The following BCAM variants were observed in gnomAD, a reference collection of about 807,000 sequenced individuals.
BCAM encodes the protein basal cell adhesion molecule.
BCAM carries 61 observed loss-of-function variants against 72.4 expected under a neutral mutation model. That is an observed-to-expected ratio of 0.84 (90% CI 0.69 to 1.04). BCAM has a LOEUF of 1.04. BCAM is among the 50% of genes least tolerant of loss of function. The probability of loss-of-function intolerance (pLI) is 0.00; values close to 1 mark genes in which losing one functional copy is unlikely to be tolerated. For synonymous variants in BCAM, 408 were observed against 384.2 expected (o/e 1.06, Z -0.73); for missense variants, 909 against 895.0 (o/e 1.02, Z -0.20).
chr19:44,812,955 A>C lies in BCAM; in HGVS notation c.505-295A>C, dbSNP rs1357398832. On this transcript the variant is annotated intron_variant, in intron 4 of 14. Transcript: ENST00000270233. The surrounding 1 kb of genome is among the most constrained non-coding windows in gnomAD (Gnocchi z 5.3). ...ACAGAGCAATACTCCGTCTCAAAAA[A>C]AAAAAAAAAAAGAAGAAGAAAAGAA... 4.7e-6 allele frequency: 2 copies of C among 421,998 alleles called. No individual in the cohort carries two copies. The highest frequency in any genetic ancestry group is 8.4e-6 in the Non-Finnish European group (2 of 238,300). 26.1% of individuals were successfully genotyped at this position (421,998 alleles called of 1,614,324 possible). A position where few individuals can be genotyped will look rare whatever the true frequency, so the allele number is the denominator to read the frequency against.
chr19:44,817,031 T>A (rs989324209), intron 8 of BCAM, among the ~76,000 whole-genome samples: 2 of 150,244 alleles, frequency 1.3e-5, no homozygotes, highest in Non-Finnish European at 3.0e-5. Flanking sequence ...AGGTCAGGAG[T>A]TTGAGACCAT....
rs1968457096 is a variant in BCAM at position 44,813,462 on chromosome 19, TC to T, written c.628del (p.Arg210GlyfsTer105). 6.2e-7 allele frequency: 1 copy of T among 1,611,850 alleles called. No individual in the cohort carries two copies. The highest frequency in any genetic ancestry group is 8.5e-7 in the Non-Finnish European group (1 of 1,179,842). ...GAGGGCTACATGACCAGCCGCACGG[TC>T]CGGGAGGCCTCGGGCCTGCTCTCCC... ...NPEGYMTSRT[V>X]REASGLLSLT... On this transcript the variant is annotated frameshift_variant, in exon 6 of 15. Transcript: ENST00000270233. LOFTEE classifies it high-confidence loss of function. This position sits in a 1 kb window ranked among gnomAD's most constrained non-coding sequence, Gnocchi z 4.2.
Position 44,819,046 on chromosome 19 carries a change from C to T in BCAM, c.1337-10C>T, listed in dbSNP as rs1466920901. On this transcript the variant is annotated splice_polypyrimidine_tract_variant and intron_variant, in intron 10 of 14. Transcript: ENST00000270233. ...TCCCTTCACTTTCTTCCCATCCCCA[C>T]CACCCACAGGCTCGCCAGAGCTAAA... 6.2e-7 allele frequency: 1 copy of T among 1,613,384 alleles called. No homozygotes were observed. The highest frequency in any genetic ancestry group is 1.3e-5 in the African/African-American group (1 of 74,878).
chr19:44,809,154 GCGCGGGGCCC>G lies in BCAM; in HGVS notation c.36_45del (p.Ala13CysfsTer28). On this transcript the variant is annotated frameshift_variant, in exon 1 of 15. Transcript: ENST00000270233. LOFTEE classifies it high-confidence loss of function. ...AGCCCCCGGACGCACCGGCCCAGGC[GCGCGGGGCCC>G]CGCGGCTGCTGTTGCTCGCAGTCCT... 2 of 1,473,062 alleles carry G rather than the reference GCGCGGGGCCC, an allele frequency of 1.4e-6. No individual in the cohort carries two copies. Among genetic ancestry groups the G allele is most frequent in the Non-Finnish European group, 1.8e-6 (2 of 1,115,598 alleles). The allele number at this position is 1,473,062 out of a possible 1,614,324, so 91.2% of individuals were successfully genotyped here.
Position 44,814,634 on chromosome 19 carries a change from C to T in BCAM, c.952C>T (p.Leu318Phe), listed in dbSNP as rs767743074. 2 of 1,613,954 alleles carry T rather than the reference C, an allele frequency of 1.2e-6. No individual in the cohort carries two copies. Among genetic ancestry groups the T allele is most frequent in the Non-Finnish European group, 8.5e-7 (1 of 1,179,900 alleles). ...DEQEEVLNVN[L>F]EGNLTLEGVT... ...GCAGGAGGAAGTGCTGAATGTGAAT[C>T]TCGAGGGGAACTTGACCCTGGAGGG... The change falls in exon 8 of 15, where the codon CTC becomes TTC. Residue 318 changes from leucine (L) to phenylalanine (F), a missense_variant. Transcript: ENST00000270233. The surrounding 1 kb of genome is among the most constrained non-coding windows in gnomAD (Gnocchi z 4.6).
chr19:44,819,267 G>T, intron 11 of BCAM, 75 bp downstream of exon 11: 3 of 1,610,218 alleles, frequency 1.9e-6, no homozygotes, highest in Non-Finnish European at 2.5e-6. Flanking sequence ...CACTTCCTGG[G>T]AGACTGGACG....
chr19:44,812,427 G>T lies in BCAM; in HGVS notation c.433+36G>T, dbSNP rs760408164. On this transcript the variant is annotated intron_variant, in intron 3 of 14. Coordinates refer to ENST00000270233, the MANE Select transcript of BCAM (RefSeq NM_005581.5). The surrounding 1 kb of genome is among the most constrained non-coding windows in gnomAD (Gnocchi z 5.3). ...TCGGGCATCCCCCGAAGGGAGGCAGGCAGGGAGGGGCGCAGGGCAGGGGCT... is the reference window on the plus strand; with the variant it reads ...TCGGGCATCCCCCGAAGGGAGGCAGTCAGGGAGGGGCGCAGGGCAGGGGCT... 1.4e-5 allele frequency: 22 copies of T among 1,614,154 alleles called. No homozygotes were observed. The highest frequency in any genetic ancestry group is 1.9e-5 in the Non-Finnish European group (22 of 1,179,994).
Position 44,814,147 on chromosome 19 carries a change from C to T in BCAM, c.785-5C>T. The T allele has an allele frequency of 6.3e-7, 1 of 1,580,496 alleles. No individual in the cohort carries two copies. Among genetic ancestry groups the T allele is most frequent in the South Asian group, 1.1e-5 (1 of 88,266 alleles). On this transcript the variant is annotated splice_polypyrimidine_tract_variant and splice_region_variant and intron_variant, in intron 6 of 14. Coordinates refer to ENST00000270233, the MANE Select transcript of BCAM (RefSeq NM_005581.5). This position sits in a 1 kb window ranked among gnomAD's most constrained non-coding sequence, Gnocchi z 4.6. ...ACAATTCCCATCTCCCTGCCCTTCC[C>T]TTAGATCCCACGGAGCACGTGCAGT... is the stretch of plus-strand genomic sequence containing the variant.
rs202233299 is a variant in BCAM at position 44,812,328 on chromosome 19, G to A, written c.370G>A (p.Val124Met). Residue 124 changes from valine to methionine, a missense_variant, in exon 3 of 15, where the codon GTG becomes ATG. Val to Met is a conservative substitution (Grantham distance 21). Transcript: ENST00000270233. This position sits in a 1 kb window ranked among gnomAD's most constrained non-coding sequence, Gnocchi z 5.3. ...CCAGGTGGGCGACGAGCGAGACTACGTGTGCGTGGTGAGGGCAGGGGCGGC... is the reference window on the plus strand; with the variant it reads ...CCAGGTGGGCGACGAGCGAGACTACATGTGCGTGGTGAGGGCAGGGGCGGC... Reference protein sequence around the residue: ...EAQVGDERDYVCVVRAGAAGT... With the variant: ...EAQVGDERDYMCVVRAGAAGT... The A allele has an allele frequency of 2.8e-5, 45 of 1,613,288 alleles. 1 individual carries two copies. The highest frequency in any genetic ancestry group is 1.6e-4 in the Middle Eastern group (1 of 6,062).
chr19:44,819,745 G>T lies in BCAM; in HGVS notation c.1763+19G>T, dbSNP rs1195783149. The stretch of plus-strand genomic sequence containing the variant: ...GGGCTCCGTGAGTGGCCTGCTATCT[G>T]CAATGACCACCATAGCTTAACCCCA... On this transcript the variant is annotated intron_variant, in intron 13 of 14. Coordinates refer to ENST00000270233, the MANE Select transcript of BCAM (RefSeq NM_005581.5). The T allele has an allele frequency of 6.3e-7, 1 of 1,581,706 alleles. No homozygotes were observed. The highest frequency in any genetic ancestry group is 8.6e-7 in the Non-Finnish European group (1 of 1,166,860).
chr19:44,811,870 C>G lies in BCAM; in HGVS notation c.205-293C>G, dbSNP rs2122549441. Reference sequence around the variant, plus strand: ...AATGCTCTCCAGCCAGGCGACAGAGCAAGACTCTATCTCAAAAAAAAAGAG... The same window carrying G: ...AATGCTCTCCAGCCAGGCGACAGAGGAAGACTCTATCTCAAAAAAAAAGAG... On this transcript the variant is annotated intron_variant, in intron 2 of 14. Transcript: ENST00000270233. 1.8e-5 allele frequency: 9 copies of G among 491,728 alleles called. No individual in the cohort carries two copies. In the South Asian group the frequency reaches 2.3e-4, roughly 13 times the overall value. 30.5% of individuals were successfully genotyped at this position (491,728 alleles called of 1,614,324 possible).
rs150832685 is a variant in BCAM at position 44,814,980 on chromosome 19, C to T, written c.1078+220C>T. Among the ~76,000 whole-genome samples, 205 of 150,110 alleles carry T rather than the reference C, an allele frequency of 1.4e-3. 1 individual carries two copies. In the South Asian group the frequency reaches 0.025, roughly 18 times the overall value. ...CCAGGCTGGTCTCGAACTCCTCATG[C>T]GATCCTCCTGCCTTGCTCTCCCAAA... is the stretch of plus-strand genomic sequence containing the variant. On this transcript the variant is annotated intron_variant, in intron 8 of 14. Transcript: ENST00000270233. This position sits in a 1 kb window ranked among gnomAD's most constrained non-coding sequence, Gnocchi z 4.6.
chr19:44,813,125 G>T lies in BCAM; in HGVS notation c.505-125G>T, dbSNP rs1240700153. 3 of 1,077,526 alleles carry T rather than the reference G, an allele frequency of 2.8e-6. No homozygotes were observed. Among genetic ancestry groups the T allele is most frequent in the Non-Finnish European group, 4.0e-6 (3 of 745,282 alleles). 66.7% of individuals were successfully genotyped at this position (1,077,526 alleles called of 1,614,324 possible). The stretch of plus-strand genomic sequence containing the variant: ...CGGGGACTAGGAATTTGGACTCCTG[G>T]GTCCTGGGAGAGTCGGGAGTTAGGA... On this transcript the variant is annotated intron_variant, in intron 4 of 14. Transcript: ENST00000270233. The surrounding 1 kb of genome is among the most constrained non-coding windows in gnomAD (Gnocchi z 4.2).
intron 1 of BCAM, among the ~76,000 whole-genome samples, chr19:44,809,886 T>A (rs1435377640): frequency 7.5e-6 from 1 of 133,486 alleles, no homozygotes; most frequent in African/African-American, 2.7e-5. Context: ...GGGGTGGGGG[T>A]GCTGGGGACA....
chr19:44,815,696 T>C (rs1968495632), intron 8 of BCAM, among the ~76,000 whole-genome samples: 1 of 152,226 alleles, frequency 6.6e-6, no homozygotes, highest in South Asian at 2.1e-4. Flanking sequence ...AGGTGAGAAG[T>C]TGGACTGAAG....
At position 44,820,710 on chromosome 19, in the gene BCAM, C is replaced by T; in HGVS notation, c.1769C>T (p.Pro590Leu). ...CCGCTGCCTCCTCCCCCCAGGCCGC[C>T]AGGGGAGCCAGGGCTGAGCCACTCG... ...RQRREKGAPPPGEPGLSHSGS... is the reference protein window; with the variant it reads ...RQRREKGAPPLGEPGLSHSGS... The change falls in exon 14 of 15, where the codon CCA (proline) becomes CTA (leucine). Residue 590 changes from proline (P) to leucine (L), a missense_variant. By Grantham distance (98) the Pro-to-Leu change is moderately conservative. Transcript: ENST00000270233. 11 of 1,402,594 alleles carry T rather than the reference C, an allele frequency of 7.8e-6. No individual in the cohort carries two copies. The highest frequency in any genetic ancestry group is 9.3e-6 in the Non-Finnish European group (10 of 1,072,364). 86.9% of individuals were successfully genotyped at this position (1,402,594 alleles called of 1,614,324 possible).
Position 44,818,756 on chromosome 19 carries a change from G to T in BCAM, c.1210G>T (p.Gly404Cys). 1 of 1,614,022 alleles carries T rather than the reference G, an allele frequency of 6.2e-7. No homozygotes were observed. Among genetic ancestry groups the T allele is most frequent in the Non-Finnish European group, 8.5e-7 (1 of 1,179,966 alleles). The change falls in exon 10 of 15, where the codon GGC (glycine) becomes TGC (cysteine). Residue 404 changes from glycine to cysteine, a missense_variant. By Grantham distance (159) the Gly-to-Cys change is radical (BLOSUM62 -3). Coordinates refer to ENST00000270233, the MANE Select transcript of BCAM (RefSeq NM_005581.5). The surrounding 1 kb of genome is among the most constrained non-coding windows in gnomAD (Gnocchi z 4.6). The part of the protein sequence containing the change: ...LRWTKDSTPL[G>C]DGPMLSLSSI... ...CCCTTCCCAGGACTCCACTCCCCTG[G>T]GCGATGGCCCCATGCTGTCGCTCAG...
chr19:44,813,399 A>AT lies in BCAM; in HGVS notation c.602-38dup. On this transcript the variant is annotated intron_variant, in intron 5 of 14. Transcript: ENST00000270233. This position sits in a 1 kb window ranked among gnomAD's most constrained non-coding sequence, Gnocchi z 4.2. ...GTGGGCTGGGGTGGGTGGCGGGGCT[A>AT]TGGCCTGGCTGACTGCCACCTCCCC... 6.2e-7 allele frequency: 1 copy of AT among 1,608,496 alleles called. No homozygotes were observed. Among genetic ancestry groups the AT allele is most frequent in the Non-Finnish European group, 8.5e-7 (1 of 1,177,100 alleles).
rs755899513 is a variant in BCAM, at chr19:44,814,751, C to A, written c.1069C>A (p.Arg357Ser). ...DVQLSKTLELRVAYLDPLELS... is the reference protein window; with the variant it reads ...DVQLSKTLELSVAYLDPLELS... ...GCAGCTCTCCAAGACGCTGGAGCTG[C>A]GCGTGGCCTGTGAGAGCCCTGGGTG... The change falls in exon 8 of 15, where the codon CGC (arginine) becomes AGC (serine). Residue 357 changes from arginine to serine, a missense_variant. Transcript: ENST00000270233. This position sits in a 1 kb window ranked among gnomAD's most constrained non-coding sequence, Gnocchi z 4.6. 6.2e-7 allele frequency: 1 copy of A among 1,610,826 alleles called. No individual in the cohort carries two copies. The highest frequency in any genetic ancestry group is 1.3e-5 in the African/African-American group (1 of 74,864).
Sources: gnomAD v4.1 joint callset for allele counts (sites outside exome capture counted in the v4.1 genomes callset) on GRCh38, gnomAD v4.1.1 for gene constraint, Gnocchi (gnomAD v3.1) non-coding constraint, MANE v1.5 for transcripts, NCBI Gene and HGNC (gene_info 2026-07-23, HGNC 2026-07-21) for gene names.